Variants in STAC3 observed in about 807,000 individuals in gnomAD.
STAC3 encodes SH3 and cysteine-rich domain-containing protein 3.
A neutral mutation model predicts 48.5 loss-of-function variants in STAC3; 30 were observed. The ratio of observed to expected loss-of-function variants is 0.62; its 90% CI spans 0.46 to 0.84. STAC3 has a LOEUF of 0.84. Among genes scored for constraint, STAC3 ranks in the 40% least tolerant of loss-of-function variants. The pLI is 0.00. For synonymous variants in STAC3, 144 were observed against 158.6 expected, an observed-to-expected ratio of 0.91 and a Z score of 0.69; for missense variants, 419 against 462.6, an observed-to-expected ratio of 0.91 and a Z score of 0.86.
rs371720347 is a variant in STAC3 at position 57,244,222 on chromosome 12, T to C, written c.862A>G (p.Lys288Glu). Reference protein sequence around the residue: ...DDSNEEWWRGKIGEKVGFFPP... With the variant: ...DDSNEEWWRGEIGEKVGFFPP... ...AAAAATCCGACCTTCTCCCCGATTT[T>C]CCCCTAGGGAAGATAGTAGGGAGAG... The change falls in exon 11 of 12, where the codon AAA becomes GAA. Residue 288 changes from lysine to glutamate, a missense_variant. Coordinates refer to ENST00000332782, the MANE Select transcript of STAC3 (RefSeq NM_145064.3). 6 of 1,614,004 alleles carry C rather than the reference T, an allele frequency of 3.7e-6. No individual in the cohort carries two copies. The highest frequency in any genetic ancestry group is 1.7e-5 in the Admixed American group (1 of 60,000).
rs766822118 is a variant in STAC3 at position 57,244,386 on chromosome 12, G to A, written c.807-20C>T. On this transcript the variant is annotated intron_variant, in intron 9 of 11. Transcript: ENST00000332782. ...CCTGGCCTGGGAGGGGAAGGGAGGG[G>A]CCTCACTCACATAGCAGGTCCCCTG... 1.2e-6 allele frequency: 2 copies of A among 1,614,028 alleles called. No individual in the cohort carries two copies. Among genetic ancestry groups the A allele is most frequent in the Admixed American group, 1.7e-5 (1 of 60,028 alleles).
In STAC3 at chr12:57,250,061, A is replaced by T. The variant is rs1331055636; in HGVS notation, c.-1-424T>A. 3.9e-5 allele frequency among the ~76,000 whole-genome samples: 6 copies of T among 152,284 alleles called. No homozygotes were observed. The South Asian group carries it at 1.2e-3, about 32-fold the overall frequency. On this transcript the variant is annotated intron_variant, in intron 1 of 11. Transcript: ENST00000332782. Reference sequence around the variant, plus strand: ...CTGGGCCAAATACAGATCCTTTGGCAGGTTTTATTAACAGATTTCATGGAG... The same window carrying T: ...CTGGGCCAAATACAGATCCTTTGGCTGGTTTTATTAACAGATTTCATGGAG...
intron 5 of STAC3, among the ~76,000 whole-genome samples, chr12:57,247,386 GT>G (rs1216230476): frequency 7.1e-6 from 1 of 141,544 alleles, no homozygotes; most frequent in African/African-American, 2.8e-5. Context: ...CAATGAATAT[GT>G]TTTTAAGGGT....
Position 57,249,630 on chromosome 12 carries a change from C to G in STAC3, c.7G>C (p.Glu3Gln). 6.2e-7 allele frequency: 1 copy of G among 1,614,048 alleles called. No individual in the cohort carries two copies. The highest frequency in any genetic ancestry group is 8.5e-7 in the Non-Finnish European group (1 of 1,180,028). Residue 3 changes from glutamate (E) to glutamine (Q), a missense_variant, in exon 2 of 12, where the codon GAA becomes CAA. Glu to Gln is a conservative substitution (Grantham distance 29). Coordinates refer to ENST00000332782, the MANE Select transcript of STAC3 (RefSeq NM_145064.3). ...TTAGGGGACTCCAGCACCTCCTTTT[C>G]TGTCATCCTGCAAGAGGTTGGACCC... MT[E>Q]KEVLESPKPS...
chr12:57,248,975 C>T (rs1215750866), intron 3 of STAC3, 66 bp downstream of exon 3: 2 of 1,562,122 alleles, frequency 1.3e-6, no homozygotes, highest in East Asian at 2.2e-5. Context: ...ATACTCCTCT[C>T]CTATGCCCTC....
chr12:57,249,467 A>G, intron 2 of STAC3, 104 bp downstream of exon 2: 1 of 1,530,368 alleles, frequency 6.5e-7, no homozygotes, highest in East Asian at 2.3e-5. Flanking sequence ...GGTGCTGGCC[A>G]GCAAAAAATG....
chr12:57,248,696 G>T lies in STAC3; in HGVS notation c.432+10C>A. On this transcript the variant is annotated intron_variant, in intron 4 of 11. Transcript: ENST00000332782. ...CCATGTCCCCTCCTTGCTCTCCACA[G>T]CCTACTCACGATCTTGCCGAAGCAT... is the stretch of plus-strand genomic sequence containing the variant. 1 of 1,610,960 alleles carries T rather than the reference G, an allele frequency of 6.2e-7. No homozygotes were observed. Among genetic ancestry groups the T allele is most frequent in the Non-Finnish European group, 8.5e-7 (1 of 1,177,396 alleles).
rs181578623 is a variant in STAC3, at chr12:57,248,813, G to A, written c.335-10C>T. The A allele has an allele frequency of 7.4e-5, 120 of 1,611,042 alleles. No homozygotes were observed. The East Asian group carries it at 2.2e-3, about 30-fold the overall frequency. On this transcript the variant is annotated splice_polypyrimidine_tract_variant and intron_variant, in intron 3 of 11. Transcript: ENST00000332782. The stretch of plus-strand genomic sequence containing the variant: ...CCAAACTTGTTGTTGACTTGGGAAA[G>A]GGGGAGAAAATTCAGATAAGGTTCC...
At position 57,244,558 on chromosome 12, in the gene STAC3, T is replaced by G. The variant is rs769992787; in HGVS notation, c.785A>C (p.Glu262Ala). The change falls in exon 9 of 12, where the codon GAG (glutamate) becomes GCG (alanine). Residue 262 changes from glutamate to alanine, a missense_variant. Transcript: ENST00000332782. Reference sequence around the variant, plus strand: ...TCACGGGAAATCCAGATCGTCCTTCTCCAGGGCTTTGAACCGATAGAGAGC... The same window carrying G: ...TCACGGGAAATCCAGATCGTCCTTCGCCAGGGCTTTGAACCGATAGAGAGC... The part of the protein sequence containing the change: ...FVALYRFKAL[E>A]KDDLDFPPGE... 1 of 1,614,184 alleles carries G rather than the reference T, an allele frequency of 6.2e-7. No homozygotes were observed. Among genetic ancestry groups the G allele is most frequent in the Non-Finnish European group, 8.5e-7 (1 of 1,180,034 alleles).
At chr12:57,250,054 CT>C (rs1565784059) in intron 1 of STAC3, among the ~76,000 whole-genome samples, 2 of 152,158 alleles carry the variant, frequency 1.3e-5, no homozygotes, top group African/African-American at 4.8e-5. Flanking sequence ...AATACAGATC[CT>C]TTGGCAGGTT....
chr12:57,250,901 CAAGG>C (rs767778724), intron 1 of STAC3, 88 bp downstream of exon 1: 15 of 156,690 alleles, frequency 9.6e-5, no homozygotes, highest in Admixed American at 4.3e-4. Flanking sequence ...GACTCACAGA[CAAGG>C]AGAGAAATGA....
At chr12:57,249,347 C>T (rs1335783445) in intron 2 of STAC3, 39 bp from the exon 3 acceptor site, 2 of 1,542,194 alleles carry the variant, frequency 1.3e-6, no homozygotes, top group African/African-American at 1.4e-5. Flanking sequence ...GTTAAAAGGA[C>T]TTGTCACCCT....
At chr12:57,247,007 T>C (rs1565781692) in intron 5 of STAC3, 106 bp from the exon 6 acceptor site, 4 of 1,158,824 alleles carry the variant, frequency 3.5e-6, no homozygotes, top group Non-Finnish European at 3.8e-6. Flanking sequence ...CATGTGTGTG[T>C]TGGGTGGCGG....
At chr12:57,250,099 G>A (rs904150717) in intron 1 of STAC3, among the ~76,000 whole-genome samples, 1 of 152,082 alleles carries the variant, frequency 6.6e-6, no homozygotes, top group African/African-American at 2.4e-5. Context: ...CTAGAAAAAA[G>A]CTTAACATGG....
In STAC3 at chr12:57,246,919, G is replaced by C; in HGVS notation, c.506-18C>G. ...GGCAGCAGCTAATCGAATGGGAGGA[G>C]AAAGAAGACATTATTGGGAAGGCAG... On this transcript the variant is annotated intron_variant, in intron 5 of 11. Coordinates refer to ENST00000332782, the MANE Select transcript of STAC3 (RefSeq NM_145064.3). The C allele has an allele frequency of 6.2e-7, 1 of 1,610,164 alleles. No individual in the cohort carries two copies. Among genetic ancestry groups the C allele is most frequent in the Admixed American group, 1.7e-5 (1 of 60,006 alleles).
In STAC3 at chr12:57,249,234, C is replaced by T. The variant is rs2136836200; in HGVS notation, c.141G>A (p.Gln47=). ...TKEMELPPEP[Q]ANGEAVGAGG... Reference sequence around the variant, plus strand: ...CAGCTCCCACTGCCTCCCCATTGGCCTGGGGCTCTGGGGGAAGTTCCATCT... The same window carrying T: ...CAGCTCCCACTGCCTCCCCATTGGCTTGGGGCTCTGGGGGAAGTTCCATCT... Residue 47 remains glutamine, a synonymous_variant, in exon 3 of 12, where the codon CAG becomes CAA. Coordinates refer to ENST00000332782, the MANE Select transcript of STAC3 (RefSeq NM_145064.3). 4 of 1,614,056 alleles carry T rather than the reference C, an allele frequency of 2.5e-6. No individual in the cohort carries two copies. Among genetic ancestry groups the T allele is most frequent in the Non-Finnish European group, 3.4e-6 (4 of 1,179,982 alleles).
rs533485859 is a variant in STAC3 at position 57,245,787 on chromosome 12, T to A, written c.604-576A>T. On this transcript the variant is annotated intron_variant, in intron 6 of 11. Transcript: ENST00000332782. ...CAGGTCCTTGACTATGCTGTCAGCC[T>A]TTAAAAATACTCCAGTGTGTAAGTA... 2.0e-5 allele frequency among the ~76,000 whole-genome samples: 3 copies of A among 152,206 alleles called. No homozygotes were observed. In the South Asian group the frequency reaches 6.2e-4, roughly 32 times the overall value.
rs2037649602 is a variant in STAC3, at chr12:57,243,519, G to GC, written c.*292dup. On this transcript the variant is annotated 3_prime_UTR_variant, in exon 12 of 12. Coordinates refer to ENST00000332782, the MANE Select transcript of STAC3 (RefSeq NM_145064.3). Reference sequence around the variant, plus strand: ...CGACAGTTCGCCCTCCCTCGCCCCCGCCCCCCGCCCCAGTCCCTGGCTCCT... The same window carrying GC: ...CGACAGTTCGCCCTCCCTCGCCCCCGCCCCCCCGCCCCAGTCCCTGGCTCCT... 4.7e-6 allele frequency: 2 copies of GC among 426,436 alleles called. No homozygotes were observed. The highest frequency in any genetic ancestry group is 4.2e-6 in the Non-Finnish European group (1 of 236,628). 26.4% of individuals were successfully genotyped at this position (426,436 alleles called of 1,614,324 possible). A position where few individuals can be genotyped will look rare whatever the true frequency, so the allele number is the denominator to read the frequency against.
chr12:57,248,087 G>C, intron 5 of STAC3, 39 bp downstream of exon 5: 1 of 1,562,012 alleles, frequency 6.4e-7, no homozygotes, highest in Non-Finnish European at 8.8e-7. Flanking sequence ...ACCATCTCTA[G>C]GCTTGCCCAT....
Sources: gnomAD v4.1 joint callset for allele counts (sites outside exome capture counted in the v4.1 genomes callset) on GRCh38, gnomAD v4.1.1 for gene constraint, MANE v1.5 for transcripts, NCBI Gene and HGNC (gene_info 2026-07-23, HGNC 2026-07-21) for gene names.